RHOBTB1: variants seen among roughly 807,000 people sequenced by gnomAD.
RHOBTB1 encodes rho-related BTB domain-containing protein 1.
RHOBTB1 carries 40 observed loss-of-function variants against 71.6 expected under a neutral mutation model. The observed-to-expected ratio is 0.56, with a 90% CI of 0.43 to 0.73. The LOEUF (loss-of-function observed/expected upper bound fraction) is 0.73, where lower values mean the gene tolerates loss of function less well. Ranked by LOEUF, RHOBTB1 falls within the 30% of genes least tolerant of loss-of-function variation. The probability of loss-of-function intolerance (pLI) is 0.00; values close to 1 mark genes in which losing one functional copy is unlikely to be tolerated. For synonymous variants in RHOBTB1, 319 were observed against 334.9 expected, an observed-to-expected ratio of 0.95 and a Z score of 0.52; for missense variants, 797 against 894.0, an observed-to-expected ratio of 0.89 and a Z score of 1.38.
chr10:60,913,148 C>A (rs978605129), intron 2 of RHOBTB1, among the ~76,000 whole-genome samples: 11 of 152,126 alleles, frequency 7.2e-5, no homozygotes, highest in African/African-American at 2.7e-4. Context: ...AAGAAGAATT[C>A]TTTTTCACAG....
chr10:60,964,702 C>T (rs2134574382), intron 2 of RHOBTB1, among the ~76,000 whole-genome samples: 1 of 152,196 alleles, frequency 6.6e-6, no homozygotes, highest in East Asian at 1.9e-4. Flanking sequence ...AAACCAGAAA[C>T]TCCAGCTCTT....
chr10:60,870,076 C>T lies in RHOBTB1; in HGVS notation c.*1406G>A, dbSNP rs1010222984. The T allele has an allele frequency of 1.3e-5, 2 of 152,574 alleles. No individual in the cohort carries two copies. The highest frequency in any genetic ancestry group is 2.9e-5 in the Non-Finnish European group (2 of 68,052). The allele number at this position is 152,574 out of a possible 1,614,324, so 9.5% of individuals were successfully genotyped here. ...ATTTGACCTCCCAACAGAATGAGCC[C>T]CACCCCCTGCCACATTAACATCCCA... On this transcript the variant is annotated 3_prime_UTR_variant, in exon 11 of 11. Transcript: ENST00000337910.
At position 60,918,871 on chromosome 10, in the gene RHOBTB1, C is replaced by T. The variant is rs146671682; in HGVS notation, c.-10-7319G>A. The stretch of plus-strand genomic sequence containing the variant: ...AAGCAATTCTCCTGACTCAGCCTCC[C>T]GAGTAGCTGGGATTATAGGCATCTG... On this transcript the variant is annotated intron_variant, in intron 2 of 10. Coordinates refer to ENST00000337910, the MANE Select transcript of RHOBTB1 (RefSeq NM_014836.5). 4.7e-3 allele frequency among the ~76,000 whole-genome samples: 710 copies of T among 152,140 alleles called. 22 individuals carry two copies. The East Asian group carries it at 0.083, about 18-fold the overall frequency.
chr10:60,906,401 C>T (rs80060452), intron 4 of RHOBTB1, among the ~76,000 whole-genome samples: 3,297 of 152,296 alleles, frequency 0.022, 107 homozygotes, highest in Admixed American at 0.054. Flanking sequence ...TGCTGGTCTT[C>T]AGGGTCTACA....
At chr10:60,887,748 G>A (rs779917480) in intron 6 of RHOBTB1, among the ~76,000 whole-genome samples, 3 of 152,202 alleles carry the variant, frequency 2.0e-5, no homozygotes, top group Non-Finnish European at 2.9e-5. Flanking sequence ...ACTGATTTTT[G>A]TCATGGGTCA....
chr10:60,947,061 CTG>C (rs1331934299), upstream of RHOBTB1, among the ~76,000 whole-genome samples: 2 of 152,262 alleles, frequency 1.3e-5, no homozygotes, highest in East Asian at 3.9e-4. Context: ...AAATCTCAGA[CTG>C]TGGAAAAGTT....
At chr10:60,900,490 G>A (rs750907525) in intron 4 of RHOBTB1, among the ~76,000 whole-genome samples, 13 of 152,156 alleles carry the variant, frequency 8.5e-5, no homozygotes, top group Non-Finnish European at 1.8e-4. Context: ...GTTCAGCATT[G>A]TTAACCCTGA....
At chr10:60,879,755 A>G (rs2081225805) in intron 7 of RHOBTB1, among the ~76,000 whole-genome samples, 1 of 152,098 alleles carries the variant, frequency 6.6e-6, no homozygotes, top group South Asian at 2.1e-4. Context: ...ACATCTATAT[A>G]TTTTGTATGA....
intron 2 of RHOBTB1, among the ~76,000 whole-genome samples, chr10:60,957,653 T>A (rs73266084): frequency 0.012 from 1,772 of 151,824 alleles, 38 homozygotes; most frequent in African/African-American, 0.04. Context: ...TCCAAGTGAG[T>A]AAGTAGTGGT....
chr10:60,895,634 C>A (rs185742624), intron 4 of RHOBTB1, among the ~76,000 whole-genome samples: 58 of 152,344 alleles, frequency 3.8e-4, no homozygotes, highest in African/African-American at 1.3e-3. Flanking sequence ...AAACTCCCCA[C>A]CTCGGGTGAT....
intron 2 of RHOBTB1, among the ~76,000 whole-genome samples, chr10:60,958,668 A>G (rs967241265): frequency 2.0e-5 from 3 of 152,162 alleles, no homozygotes; most frequent in African/African-American, 7.2e-5. Context: ...CAGAGGCATG[A>G]TCACAGTTCA....
At chr10:60,936,372 G>A (rs1303935487) in intron 2 of RHOBTB1, among the ~76,000 whole-genome samples, 2 of 152,298 alleles carry the variant, frequency 1.3e-5, no homozygotes, top group African/African-American at 2.4e-5. Flanking sequence ...ATTATTATTT[G>A]TAAAGTGTGT....
intron 6 of RHOBTB1, among the ~76,000 whole-genome samples, chr10:60,886,700 G>GT (rs939860447): frequency 9.3e-5 from 12 of 129,256 alleles, no homozygotes; most frequent in South Asian, 5.4e-4. Context: ...CCGAATTACT[G>GT]TTTTTTTTAA....
At chr10:60,908,331 A>G (rs978167130) in intron 4 of RHOBTB1, among the ~76,000 whole-genome samples, 4 of 152,218 alleles carry the variant, frequency 2.6e-5, no homozygotes, top group African/African-American at 9.6e-5. Flanking sequence ...CAAGAATCAA[A>G]TTAATTATTT....
upstream of RHOBTB1, among the ~76,000 whole-genome samples, chr10:60,948,732 G>A (rs2085316186): frequency 6.6e-6 from 1 of 152,204 alleles, no homozygotes; most frequent in South Asian, 2.1e-4. Flanking sequence ...GTGTTTGGTA[G>A]AAAGGTATAT....
At position 60,944,113 on chromosome 10, in the gene RHOBTB1, A is replaced by T. The variant is rs1044378955; in HGVS notation, c.-204T>A. On this transcript the variant is annotated 5_prime_UTR_variant, in exon 1 of 11. Transcript: ENST00000337910. ...GCGCGCGGCGCGCCGCCCGCCGCCCAACTTTGCACAAAGGCAGCATGGCAC... is the reference window on the plus strand; with the variant it reads ...GCGCGCGGCGCGCCGCCCGCCGCCCTACTTTGCACAAAGGCAGCATGGCAC... 2.0e-5 allele frequency: 3 copies of T among 151,474 alleles called. No homozygotes were observed. The highest frequency in any genetic ancestry group is 7.3e-5 in the African/African-American group (3 of 41,238). The allele number at this position is 151,474 out of a possible 1,614,324, so 9.4% of individuals were successfully genotyped here.
intron 5 of RHOBTB1, 129 bp downstream of exon 5, chr10:60,892,681 A>T: frequency 1.4e-6 from 1 of 740,084 alleles, no homozygotes; most frequent in Non-Finnish European, 2.1e-6. Flanking sequence ...TTATGGGCTG[A>T]CTTAAAACCC....
intron 1 of RHOBTB1, among the ~76,000 whole-genome samples, chr10:60,989,978 CTT>C (rs769184320): frequency 0.017 from 2,097 of 122,018 alleles, 19 homozygotes; most frequent in African/African-American, 0.051. Context: ...TCAGAATGTC[CTT>C]TTTTTTTTTT....
chr10:60,923,979 C>T (rs898693820), intron 2 of RHOBTB1, among the ~76,000 whole-genome samples: 8 of 151,978 alleles, frequency 5.3e-5, no homozygotes, highest in Admixed American at 5.2e-4. Context: ...GTATGTGTTC[C>T]TGAAGAACTG....
Sources: allele counts gnomAD v4.1 joint callset (sites outside exome capture counted in the v4.1 genomes callset), GRCh38; gene constraint gnomAD v4.1.1; transcripts MANE v1.5; gene names NCBI Gene and HGNC (gene_info 2026-07-23, HGNC 2026-07-21).